TMEM132B: variants seen among roughly 807,000 people sequenced by gnomAD.
TMEM132B encodes transmembrane protein 132B.
TMEM132B carries 18 observed loss-of-function variants against 90.8 expected under a neutral mutation model. The ratio of observed to expected loss-of-function variants is 0.20; its 90% confidence interval spans 0.14 to 0.29. The LOEUF (loss-of-function observed/expected upper bound fraction) is 0.29, where lower values mean the gene tolerates loss of function less well. Ranked by LOEUF, TMEM132B falls within the 10% of genes least tolerant of loss-of-function variation. The pLI is 1.00. For synonymous variants in TMEM132B, 504 were observed against 523.3 expected, an observed-to-expected ratio of 0.96 and a Z score of 0.50; for missense variants, 1,096 against 1,326.8, an observed-to-expected ratio of 0.83 and a Z score of 2.70.
chr12:125,308,123 T>TAC (rs1417941503), intron 1 of TMEM132B, among the ~76,000 whole-genome samples: 2 of 103,318 alleles, frequency 1.9e-5, no homozygotes, highest in Admixed American at 2.0e-4. Context: ...AGTATATATA[T>TAC]ACACATAAGT....
At chr12:125,314,481 G>A (rs918058765) in intron 1 of TMEM132B, among the ~76,000 whole-genome samples, 4 of 152,174 alleles carry the variant, frequency 2.6e-5, no homozygotes, top group Non-Finnish European at 5.9e-5. Flanking sequence ...GGCCCCAGAG[G>A]TGGTGCTGGG....
rs145704316 is a variant in TMEM132B, at chr12:125,265,240, G to T, written c.67+78374G>T. 4.2e-3 allele frequency among the ~76,000 whole-genome samples: 640 copies of T among 152,184 alleles called. 8 individuals carry two copies. Among genetic ancestry groups the T allele is most frequent in the South Asian group, 0.038 (185 of 4,824 alleles). ...TAGATATAGTATTCCCCGCTTGTCT[G>T]CAGGGGATACATTGCAAGATCCCCA... On this transcript the variant is annotated intron_variant, in intron 1 of 8. Transcript: ENST00000682704.
intron 2 of TMEM132B, among the ~76,000 whole-genome samples, chr12:125,391,498 C>T (rs970973098): frequency 6.6e-6 from 1 of 152,088 alleles, no homozygotes; most frequent in South Asian, 2.1e-4. Flanking sequence ...ACATGGGTAG[C>T]CTTTTGAAAG....
rs1439291738 is a variant in TMEM132B, at chr12:125,406,269, A to G, written c.960-9262A>G. On this transcript the variant is annotated intron_variant, in intron 2 of 8. Transcript: ENST00000682704. This position sits in a 1 kb window ranked among gnomAD's most constrained non-coding sequence, Gnocchi z 8.3. ...ACCCACACAATTTGCCTGTCTAGTG[A>G]TGCTCATCAAGTTTCCTCATGTGGA... Among the ~76,000 whole-genome samples, 1 of 152,196 alleles carries G rather than the reference A, an allele frequency of 6.6e-6. No individual in the cohort carries two copies. The highest frequency in any genetic ancestry group is 1.5e-5 in the Non-Finnish European group (1 of 68,034).
intron 1 of TMEM132B, among the ~76,000 whole-genome samples, chr12:125,293,086 T>A (rs982275193): frequency 6.6e-6 from 1 of 152,184 alleles, no homozygotes; most frequent in Non-Finnish European, 1.5e-5. Context: ...TGGGGCTGGC[T>A]CCTTTCAACA....
At chr12:125,617,473 G>A (rs1283155214) in intron 5 of TMEM132B, among the ~76,000 whole-genome samples, 1 of 151,560 alleles carries the variant, frequency 6.6e-6, no homozygotes, top group African/African-American at 2.4e-5. Context: ...AGCCTCCCAA[G>A]TAGCTGGGAT....
At chr12:125,455,222 G>C (rs888103813) in intron 3 of TMEM132B, among the ~76,000 whole-genome samples, 5 of 152,092 alleles carry the variant, frequency 3.3e-5, no homozygotes, top group Non-Finnish European at 5.9e-5. Flanking sequence ...GACCCGACTA[G>C]GGGGAGAGAG....
intron 1 of TMEM132B, among the ~76,000 whole-genome samples, chr12:125,250,682 C>G (rs1874297951): frequency 2.0e-5 from 3 of 152,108 alleles, no homozygotes; most frequent in South Asian, 4.2e-4. Context: ...TCTCTGGGTT[C>G]CCCCTTCCCT....
chr12:125,650,514 C>T (rs952914531), intron 6 of TMEM132B, among the ~76,000 whole-genome samples, 169 bp from the exon 7 acceptor site: 1 of 152,148 alleles, frequency 6.6e-6, no homozygotes, highest in African/African-American at 2.4e-5. Flanking sequence ...TCAAAGTGTG[C>T]TTGTGGAATG....
intron 1 of TMEM132B, among the ~76,000 whole-genome samples, chr12:125,347,768 C>G (rs924135718): frequency 3.3e-5 from 5 of 152,212 alleles, no homozygotes; most frequent in African/African-American, 7.2e-5. Flanking sequence ...GCTTTGCTGA[C>G]CCTGGTTCCT....
At chr12:125,298,789 C>A (rs1353487111) in intron 1 of TMEM132B, among the ~76,000 whole-genome samples, 1 of 149,486 alleles carries the variant, frequency 6.7e-6, no homozygotes, top group African/African-American at 2.5e-5. Context: ...GCTGGAGTGC[C>A]GTGGCGCGAT....
rs893514539 is a variant in TMEM132B at position 125,655,901 on chromosome 12, G to T, written c.*1191G>T. Reference sequence around the variant, plus strand: ...TAAATAAAACTCAATCATGACTTTGGCAGAGATAAAACATTGACAAGGGTG... The same window carrying T: ...TAAATAAAACTCAATCATGACTTTGTCAGAGATAAAACATTGACAAGGGTG... On this transcript the variant is annotated 3_prime_UTR_variant, in exon 9 of 9. Coordinates refer to ENST00000682704, the MANE Select transcript of TMEM132B (RefSeq NM_001366854.1). 6.6e-6 allele frequency: 1 copy of T among 151,834 alleles called. No homozygotes were observed. The highest frequency in any genetic ancestry group is 1.5e-5 in the Non-Finnish European group (1 of 67,992). The allele number at this position is 151,834 out of a possible 1,614,324, so 9.4% of individuals were successfully genotyped here.
At chr12:125,511,331 G>A (rs541027261) in intron 3 of TMEM132B, among the ~76,000 whole-genome samples, 1 of 152,096 alleles carries the variant, frequency 6.6e-6, no homozygotes, top group African/African-American at 2.4e-5. Context: ...TCACCTTTTG[G>A]GGGGGATGAA....
intron 5 of TMEM132B, chr12:125,622,572 T>C: frequency 5.1e-6 from 5 of 985,490 alleles, no homozygotes; most frequent in Non-Finnish European, 6.0e-6. Context: ...GGTGACTTGC[T>C]CAGCCTGACT....
intron 1 of TMEM132B, among the ~76,000 whole-genome samples, chr12:125,199,791 G>A (rs1189830929): frequency 6.6e-6 from 1 of 151,912 alleles, no homozygotes; most frequent in Non-Finnish European, 1.5e-5. Flanking sequence ...TCCATCCCAG[G>A]CACCAGGATG....
intron 1 of TMEM132B, among the ~76,000 whole-genome samples, chr12:125,334,186 C>A (rs889578103): frequency 1.3e-5 from 2 of 152,158 alleles, no homozygotes; most frequent in African/African-American, 4.8e-5. Flanking sequence ...TATGTGATAT[C>A]AGTTTTAAAT....
At chr12:125,519,410 T>G in intron 3 of TMEM132B, 29 bp from the exon 4 acceptor site, 1 of 1,569,646 alleles carries the variant, frequency 6.4e-7, no homozygotes. Flanking sequence ...AGGTTTTAAA[T>G]GGAACCTTAA....
intron 1 of TMEM132B, among the ~76,000 whole-genome samples, chr12:125,294,357 C>A (rs916293294): frequency 1.3e-5 from 2 of 152,230 alleles, no homozygotes; most frequent in Admixed American, 6.5e-5. Context: ...AAGAGTTACT[C>A]ATGCACTGTT....
chr12:125,527,839 A>G (rs1225078602), intron 4 of TMEM132B, among the ~76,000 whole-genome samples: 1 of 152,258 alleles, frequency 6.6e-6, no homozygotes, highest in Non-Finnish European at 1.5e-5. Context: ...TTTACTTAGC[A>G]TCACTATGTG....
Sources: gnomAD v4.1 joint callset for allele counts (sites outside exome capture counted in the v4.1 genomes callset) on GRCh38, gnomAD v4.1.1 for gene constraint, Gnocchi (gnomAD v3.1) non-coding constraint, MANE v1.5 for transcripts, NCBI Gene and HGNC (gene_info 2026-07-23, HGNC 2026-07-21) for gene names.